The following LEPR variants were observed in gnomAD, a reference collection of about 807,000 sequenced individuals.
LEPR encodes the protein leptin receptor, also known as OB receptor.
Under a neutral mutation model 114.7 loss-of-function variants are expected in LEPR, and 56 were observed. The ratio of observed to expected loss-of-function variants is 0.49; its 90% CI spans 0.39 to 0.61. LEPR has a LOEUF of 0.61. Among genes scored for constraint, LEPR ranks in the 20% least tolerant of loss-of-function variants. LEPR has a pLI of 0.00. For synonymous variants in LEPR, 443 were observed against 461.4 expected, an observed-to-expected ratio of 0.96 and a Z score of 0.51; for missense variants, 1,202 against 1,352.9, an observed-to-expected ratio of 0.89 and a Z score of 1.75.
chr1:65,449,701 A>G (rs1646757555), intron 2 of LEPR, among the ~76,000 whole-genome samples: 1 of 150,998 alleles, frequency 6.6e-6, no homozygotes, highest in South Asian at 2.1e-4. Flanking sequence ...TTTTTTTTAA[A>G]TAGCTTTTAG....
intron 5 of LEPR, among the ~76,000 whole-genome samples, chr1:65,574,334 A>T (rs546774143): frequency 6.6e-6 from 1 of 152,252 alleles, no homozygotes; most frequent in Admixed American, 6.5e-5. Context: ...CCAACATGGC[A>T]CATGTATACA....
intron 5 of LEPR, among the ~76,000 whole-genome samples, chr1:65,573,742 CG>C (rs35919106): frequency 6.6e-6 from 1 of 151,792 alleles, no homozygotes; most frequent in African/African-American, 2.4e-5. Flanking sequence ...GAAAGTAAAG[CG>C]GGGCTGAGAG....
chr1:65,635,466 A>C, intron 19 of LEPR: 1 of 751,750 alleles, frequency 1.3e-6, no homozygotes. Flanking sequence ...ACATGTCCAT[A>C]GTAAATATTT....
chr1:65,571,407 T>C (rs775167745), intron 4 of LEPR, among the ~76,000 whole-genome samples: 7 of 151,930 alleles, frequency 4.6e-5, no homozygotes, highest in Non-Finnish European at 8.8e-5. Flanking sequence ...TAATGCATAC[T>C]GATTGTAGCT....
chr1:65,514,241 A>G (rs1283821831), intron 2 of LEPR, among the ~76,000 whole-genome samples: 1 of 152,246 alleles, frequency 6.6e-6, no homozygotes, highest in African/African-American at 2.4e-5. Flanking sequence ...TGATTCTGCC[A>G]TATTCATGCC....
intron 5 of LEPR, among the ~76,000 whole-genome samples, chr1:65,581,174 C>T (rs1346378966): frequency 1.3e-5 from 2 of 152,142 alleles, no homozygotes; most frequent in African/African-American, 2.4e-5. Flanking sequence ...TGGACATGCT[C>T]GAGACTTTGT....
chr1:65,445,944 A>C (rs1205438374), intron 2 of LEPR, among the ~76,000 whole-genome samples: 1 of 152,204 alleles, frequency 6.6e-6, no homozygotes, highest in Non-Finnish European at 1.5e-5. Context: ...TCTATGCTTA[A>C]TTTTAAATCT....
chr1:65,616,252 A>G (rs1657517446), intron 15 of LEPR, 28 bp downstream of exon 15: 2 of 1,604,596 alleles, frequency 1.2e-6, no homozygotes, highest in African/African-American at 2.7e-5. Context: ...GTGGTAATCC[A>G]TTGCCTCTTT....
intron 2 of LEPR, among the ~76,000 whole-genome samples, chr1:65,461,735 T>C (rs1008105634): frequency 6.6e-6 from 1 of 152,186 alleles, no homozygotes; most frequent in Non-Finnish European, 1.5e-5. Flanking sequence ...AATACAGTTA[T>C]GGAGAGAGGA....
At chr1:65,614,876 CAA>C (rs946163165) in intron 14 of LEPR, among the ~76,000 whole-genome samples, 8 of 151,914 alleles carry the variant, frequency 5.3e-5, no homozygotes, top group African/African-American at 1.9e-4. Context: ...ATAATAGAAA[CAA>C]GGGCTATTGG....
rs140992451 is a variant in LEPR, at chr1:65,550,950, G to A, written c.-20-14596G>A. Reference sequence around the variant, plus strand: ...CTGTAGACCAGAGCTGTTCCTATTCGGCCACCTTGGCTCCTCCCCCCATCA... The same window carrying A: ...CTGTAGACCAGAGCTGTTCCTATTCAGCCACCTTGGCTCCTCCCCCCATCA... On this transcript the variant is annotated intron_variant, in intron 2 of 19. Coordinates refer to ENST00000349533, the MANE Select transcript of LEPR (RefSeq NM_002303.6). Among the ~76,000 whole-genome samples, 230 of 151,914 alleles carry A rather than the reference G, an allele frequency of 1.5e-3. 4 individuals carry two copies. In the East Asian group the frequency reaches 0.038, roughly 25 times the overall value.
chr1:65,543,650 T>G (rs1751491), intron 2 of LEPR, among the ~76,000 whole-genome samples: 100,076 of 151,658 alleles, frequency 0.66, 34,323 homozygotes, highest in Middle Eastern at 0.77. Flanking sequence ...TTTGTATAAG[T>G]TGTAAAGAAG....
At chr1:65,516,644 C>T (rs1649302151) in intron 2 of LEPR, among the ~76,000 whole-genome samples, 1 of 152,188 alleles carries the variant, frequency 6.6e-6, no homozygotes, top group South Asian at 2.1e-4. Context: ...TTACTTTGGT[C>T]TCAGAATCCA....
chr1:65,488,226 C>CTCTTTCTTTCTTTCTTTCTT (rs71577203), intron 2 of LEPR, among the ~76,000 whole-genome samples: 24 of 67,962 alleles, frequency 3.5e-4, no homozygotes, highest in South Asian at 2.9e-3. Context: ...CTCTCTCTCT[C>CTCTTTCTTTCTTTCTTTCTT]TCTTTCTTTC....
At chr1:65,437,816 A>G (rs1317802816) in intron 2 of LEPR, among the ~76,000 whole-genome samples, 1 of 151,956 alleles carries the variant, frequency 6.6e-6, no homozygotes, top group Non-Finnish European at 1.5e-5. Context: ...AGGCAAAGAA[A>G]AGAGCCATGT....
In LEPR at chr1:65,638,278, G is replaced by A. The variant is rs1658775432; in HGVS notation, c.*1263G>A. ...TATAATGCTGGATGAGAAATTAAGT[G>A]AGAATTGCACAGATCTCATGTTTGC... is the stretch of plus-strand genomic sequence containing the variant. On this transcript the variant is annotated 3_prime_UTR_variant, in exon 20 of 20. Coordinates refer to ENST00000349533, the MANE Select transcript of LEPR (RefSeq NM_002303.6). 1 of 152,118 alleles carries A rather than the reference G, an allele frequency of 6.6e-6. No homozygotes were observed. The highest frequency in any genetic ancestry group is 2.4e-5 in the African/African-American group (1 of 41,418). The allele number at this position is 152,118 out of a possible 1,614,324, so 9.4% of individuals were successfully genotyped here.
intron 18 of LEPR, among the ~76,000 whole-genome samples, chr1:65,622,300 T>C (rs2101012415): frequency 6.6e-6 from 1 of 152,226 alleles, no homozygotes; most frequent in Admixed American, 6.5e-5. Flanking sequence ...AGCCTTTTAG[T>C]GGTGACCTGG....
intron 2 of LEPR, among the ~76,000 whole-genome samples, chr1:65,546,275 T>A (rs1257904639): frequency 6.6e-6 from 1 of 152,212 alleles, no homozygotes; most frequent in Admixed American, 6.5e-5. Flanking sequence ...GGCTTAGGAT[T>A]GACTTGGCGA....
intron 2 of LEPR, among the ~76,000 whole-genome samples, chr1:65,455,219 T>G (rs1473169211): frequency 6.6e-6 from 1 of 152,292 alleles, no homozygotes; most frequent in African/African-American, 2.4e-5. Context: ...TTCTTTGCCT[T>G]TGGTTTGAAT....
Sources: gnomAD v4.1 joint callset for allele counts (sites outside exome capture counted in the v4.1 genomes callset) on GRCh38, gnomAD v4.1.1 for gene constraint, MANE v1.5 for transcripts, NCBI Gene and HGNC (gene_info 2026-07-23, HGNC 2026-07-21) for gene names.